CACNA2D3: variants seen among roughly 807,000 people sequenced by gnomAD.
The protein encoded by CACNA2D3 is calcium voltage-gated channel auxiliary subunit alpha2delta 3.
CACNA2D3 carries 60 observed loss-of-function variants against 160.6 expected under a neutral mutation model. The observed-to-expected ratio is 0.37, with a 90% confidence interval of 0.30 to 0.46. The LOEUF (loss-of-function observed/expected upper bound fraction) is 0.46, where lower values mean the gene tolerates loss of function less well. Among genes scored for constraint, CACNA2D3 ranks in the 20% least tolerant of loss-of-function variants. CACNA2D3 has a pLI of 1.00. For missense variants in CACNA2D3, 1,205 were observed against 1,365.0 expected (o/e 0.88, Z 1.85); for synonymous variants, 558 against 492.9 (o/e 1.13, Z -1.75).
Position 54,837,191 on chromosome 3 carries a change from C to G in CACNA2D3, c.1431C>G (p.Thr477=). Reference sequence around the variant, plus strand: ...ATGATCAGGGCCCCGTCCTGATGACCACTGTAGCCATGCCTGTGTTTAGTA... The same window carrying G: ...ATGATCAGGGCCCCGTCCTGATGACGACTGTAGCCATGCCTGTGTTTAGTA... ...LTDDQGPVLM[T]TVAMPVFSKQ... Residue 477 remains threonine, a synonymous_variant, in exon 15 of 38, where the codon ACC becomes ACG. Transcript: ENST00000474759. 1 of 1,613,958 alleles carries G rather than the reference C, an allele frequency of 6.2e-7. No individual in the cohort carries two copies. The highest frequency in any genetic ancestry group is 8.5e-7 in the Non-Finnish European group (1 of 1,179,860).
At chr3:54,611,478 C>T (rs1337695608) in intron 9 of CACNA2D3, among the ~76,000 whole-genome samples, 3 of 152,194 alleles carry the variant, frequency 2.0e-5, no homozygotes, top group Non-Finnish European at 1.5e-5. Context: ...TTGTCTTTGT[C>T]TTTAAGATCC....
At chr3:54,375,802 C>T (rs1467796325) in intron 3 of CACNA2D3, among the ~76,000 whole-genome samples, 1 of 152,012 alleles carries the variant, frequency 6.6e-6, no homozygotes, top group African/African-American at 2.4e-5. Context: ...CAACTGGACA[C>T]TTGTTAGGAT....
chr3:54,736,063 A>ATG (rs1701507494), intron 11 of CACNA2D3, among the ~76,000 whole-genome samples: 6 of 26,684 alleles, frequency 2.2e-4, no homozygotes, highest in African/African-American at 4.1e-4. Context: ...ATATGTATGT[A>ATG]TATATATATA....
intron 4 of CACNA2D3, among the ~76,000 whole-genome samples, chr3:54,472,538 C>T (rs971698349): frequency 6.6e-6 from 1 of 152,122 alleles, no homozygotes; most frequent in African/African-American, 2.4e-5. Flanking sequence ...CTGGCTAGGG[C>T]AGTCAGGCAA....
intron 11 of CACNA2D3, among the ~76,000 whole-genome samples, chr3:54,750,095 A>T (rs1484891349): frequency 6.6e-6 from 1 of 152,242 alleles, no homozygotes; most frequent in African/African-American, 2.4e-5. Context: ...ATAGGTTGCC[A>T]TCTTTTAAAT....
At chr3:55,055,580 G>A (rs183801964) in intron 35 of CACNA2D3, among the ~76,000 whole-genome samples, 39 of 152,048 alleles carry the variant, frequency 2.6e-4, no homozygotes, top group Non-Finnish European at 4.0e-4. Flanking sequence ...CTATTTCTAC[G>A]GAAAATGAAA....
chr3:54,737,152 C>G (rs934082), intron 11 of CACNA2D3, among the ~76,000 whole-genome samples: 2,538 of 151,124 alleles, frequency 0.017, 62 homozygotes, highest in African/African-American at 0.056. Context: ...ACTAATATAT[C>G]TCCATCATGA....
chr3:54,939,428 C>G (rs1701407677), intron 27 of CACNA2D3, among the ~76,000 whole-genome samples: 1 of 152,190 alleles, frequency 6.6e-6, no homozygotes, highest in South Asian at 2.1e-4. Flanking sequence ...CAGTCCCTTC[C>G]CCTGGCATGT....
chr3:55,018,755 G>C (rs1489645780), intron 35 of CACNA2D3, among the ~76,000 whole-genome samples: 1 of 151,868 alleles, frequency 6.6e-6, no homozygotes, highest in Non-Finnish European at 1.5e-5. Context: ...ATGAGGTTGA[G>C]CCTCTTTTAA....
intron 14 of CACNA2D3, among the ~76,000 whole-genome samples, chr3:54,825,134 A>G (rs1212674944): frequency 2.0e-5 from 3 of 152,190 alleles, no homozygotes; most frequent in Non-Finnish European, 4.4e-5. Context: ...TACTCACAAC[A>G]TTGCTGCAAT....
At chr3:54,780,908 G>A (rs917756467) in intron 13 of CACNA2D3, among the ~76,000 whole-genome samples, 1 of 152,164 alleles carries the variant, frequency 6.6e-6, no homozygotes, top group Admixed American at 6.5e-5. Context: ...GTATGTAAAA[G>A]CATGAAATTC....
At chr3:54,790,867 G>A (rs1702740872) in intron 13 of CACNA2D3, among the ~76,000 whole-genome samples, 1 of 152,134 alleles carries the variant, frequency 6.6e-6, no homozygotes, top group Non-Finnish European at 1.5e-5. Flanking sequence ...TTGCTAGGCA[G>A]TGTCAGTCAA....
chr3:54,309,337 A>G (rs1703678653), intron 2 of CACNA2D3, among the ~76,000 whole-genome samples: 2 of 152,244 alleles, frequency 1.3e-5, no homozygotes, highest in African/African-American at 4.8e-5. Context: ...GTAATGCAGT[A>G]TTCACATGCA....
chr3:54,770,654 C>G (rs1442571290), intron 13 of CACNA2D3, among the ~76,000 whole-genome samples: 2 of 152,136 alleles, frequency 1.3e-5, no homozygotes, highest in Non-Finnish European at 2.9e-5. Flanking sequence ...CCCACAGCAC[C>G]CTGGACATGT....
At position 54,642,152 on chromosome 3, in the gene CACNA2D3, A is replaced by G. The variant is rs1284227666; in HGVS notation, c.1078A>G (p.Ile360Val). The G allele has an allele frequency of 1.5e-5, 24 of 1,612,810 alleles. No individual in the cohort carries two copies. The highest frequency in any genetic ancestry group is 1.3e-4 in the Admixed American group (8 of 59,870). The change falls in exon 11 of 38, where the codon ATC (isoleucine) becomes GTC (valine). Residue 360 changes from isoleucine (I) to valine (V), a missense_variant. Physicochemically the swap from Ile to Val is conservative, Grantham distance 29. Around this residue, in one of 3 missense-constraint regions of CACNA2D3, gnomAD observed 911 missense variants for 1,002.2 expected, o/e 0.91. Coordinates refer to ENST00000474759, the MANE Select transcript of CACNA2D3 (RefSeq NM_018398.3). Reference protein sequence around the residue: ...SDFNHTGQGSICSQAIMLITD... With the variant: ...SDFNHTGQGSVCSQAIMLITD... Reference sequence around the variant, plus strand: ...GTTCAACCACACGGGACAAGGAAGTATCTGCAGTCAGGCCATCATGCTCAT... The same window carrying G: ...GTTCAACCACACGGGACAAGGAAGTGTCTGCAGTCAGGCCATCATGCTCAT...
chr3:54,846,443 G>C lies in CACNA2D3; in HGVS notation c.1602G>C (p.Leu534=). 6.2e-7 allele frequency: 1 copy of C among 1,602,688 alleles called. No homozygotes were observed. Among genetic ancestry groups the C allele is most frequent in the Non-Finnish European group, 8.5e-7 (1 of 1,173,644 alleles). ...AFAITNNGYI[L]THPELRLLYE... The stretch of plus-strand genomic sequence containing the variant: ...CAATCACAAATAATGGATATATCCT[G>C]ACGCATCCGGAACTCAGGCTGCTGG... Residue 534 remains leucine (L), a synonymous_variant, in exon 17 of 38, where the codon CTG becomes CTC. Coordinates refer to ENST00000474759, the MANE Select transcript of CACNA2D3 (RefSeq NM_018398.3).
chr3:54,141,094 C>CGCGCGCGCGCGCGCGCACACACGT (rs768348036), intron 2 of CACNA2D3, among the ~76,000 whole-genome samples: 1 of 81,892 alleles, frequency 1.2e-5, no homozygotes, highest in African/African-American at 3.8e-5. Context: ...TGTGCGCGCG[C>CGCGCGCGCGCGCGCGCACACACGT]GCGCGTGTGT....
At chr3:54,457,391 T>A (rs1328281712) in intron 4 of CACNA2D3, among the ~76,000 whole-genome samples, 2 of 152,232 alleles carry the variant, frequency 1.3e-5, no homozygotes, top group East Asian at 3.9e-4. Context: ...TACTGATTTC[T>A]AGTTTTATTA....
intron 34 of CACNA2D3, among the ~76,000 whole-genome samples, chr3:55,015,460 A>G (rs1353814679): frequency 1.3e-5 from 2 of 152,216 alleles, no homozygotes; most frequent in African/African-American, 4.8e-5. Flanking sequence ...GAACGCAGCA[A>G]TTTCTTCATA....
Sources: gnomAD v4.1 joint callset for allele counts (sites outside exome capture counted in the v4.1 genomes callset) on GRCh38, gnomAD v4.1.1 for gene constraint, gnomAD v4.1.1 regional missense constraint, MANE v1.5 for transcripts, NCBI Gene and HGNC (gene_info 2026-07-23, HGNC 2026-07-21) for gene names.